TM2D1: variants seen among roughly 807,000 people sequenced by gnomAD.
The protein encoded by TM2D1 is TM2 domain-containing protein 1.
Under a neutral mutation model 28.4 loss-of-function variants are expected in TM2D1, and 15 were observed. The ratio of observed to expected loss-of-function variants is 0.53; its 90% CI spans 0.35 to 0.81. The LOEUF (loss-of-function observed/expected upper bound fraction) is 0.81. Among genes scored for constraint, TM2D1 ranks in the 40% least tolerant of loss-of-function variants. TM2D1 has a pLI of 0.01. For synonymous variants in TM2D1, 93 were observed against 96.2 expected (o/e 0.97, Z 0.20); for missense variants, 236 against 254.9 (o/e 0.93, Z 0.50).
intron 3 of TM2D1, among the ~76,000 whole-genome samples, chr1:61,707,913 T>C (rs1644452338): frequency 6.6e-6 from 1 of 152,192 alleles, no homozygotes; most frequent in Non-Finnish European, 1.5e-5. Context: ...AAATAGAATG[T>C]AACAATATAC....
At chr1:61,709,775 A>T (rs1352001578) in intron 2 of TM2D1, among the ~76,000 whole-genome samples, 1 of 152,140 alleles carries the variant, frequency 6.6e-6, no homozygotes. Flanking sequence ...AATTAAGAAT[A>T]CCTCTCAAAT....
At chr1:61,708,224 T>G (rs1463088110) in intron 3 of TM2D1, among the ~76,000 whole-genome samples, 1 of 152,016 alleles carries the variant, frequency 6.6e-6, no homozygotes, top group African/African-American at 2.4e-5. Context: ...ATTTTTGTAT[T>G]TTTTTGTAGA....
At chr1:61,710,715 TAAAAC>T (rs1224729372) in intron 2 of TM2D1, among the ~76,000 whole-genome samples, 1 of 151,890 alleles carries the variant, frequency 6.6e-6, no homozygotes, top group Non-Finnish European at 1.5e-5. Flanking sequence ...TTTTTTAAAA[TAAAAC>T]TGTGTATAAT....
At chr1:61,685,553 C>T (rs1368938089) in intron 5 of TM2D1, among the ~76,000 whole-genome samples, 1 of 152,192 alleles carries the variant, frequency 6.6e-6, no homozygotes, top group East Asian at 1.9e-4. Context: ...TATACACTAA[C>T]AGTGAATAAA....
intron 2 of TM2D1, among the ~76,000 whole-genome samples, chr1:61,721,202 G>T (rs79869099): frequency 6.6e-6 from 1 of 152,030 alleles, no homozygotes; most frequent in African/African-American, 2.4e-5. Context: ...CTGCAGTCTA[G>T]CCTGGGTGAC....
At chr1:61,700,233 A>G in intron 4 of TM2D1, 1 of 1,527,860 alleles carries the variant, frequency 6.5e-7, no homozygotes, top group Non-Finnish European at 8.8e-7. Flanking sequence ...AAGCCTCTAG[A>G]CTCAGTAAAT....
At chr1:61,720,611 C>T (rs1199308583) in intron 2 of TM2D1, among the ~76,000 whole-genome samples, 1 of 151,870 alleles carries the variant, frequency 6.6e-6, no homozygotes. Context: ...CAAGCAGATG[C>T]CTGCCACGTA....
chr1:61,723,471 G>A (rs957532895), intron 2 of TM2D1, among the ~76,000 whole-genome samples: 1 of 152,090 alleles, frequency 6.6e-6, no homozygotes, highest in Non-Finnish European at 1.5e-5. Flanking sequence ...GAACATCCAC[G>A]TCCAGCCCTA....
chr1:61,696,508 CAGCCGGGGCAACAA>C (rs550474348), intron 4 of TM2D1, among the ~76,000 whole-genome samples: 130 of 148,100 alleles, frequency 8.8e-4, no homozygotes, highest in African/African-American at 3.2e-3. Context: ...CACTGGACTC[CAGCCGGGGCAACAA>C]AGCCGGGGCA....
intron 5 of TM2D1, among the ~76,000 whole-genome samples, chr1:61,690,852 A>G (rs1644318778): frequency 6.6e-6 from 1 of 152,258 alleles, no homozygotes; most frequent in Admixed American, 6.5e-5. Context: ...CTCATGAAAC[A>G]TACTTTACCA....
chr1:61,698,107 T>G (rs1462383698), intron 4 of TM2D1: 2 of 152,226 alleles, frequency 1.3e-5, no homozygotes, highest in African/African-American at 4.8e-5. Context: ...TGTTACGCAC[T>G]GTACCTTAAT....
intron 4 of TM2D1, among the ~76,000 whole-genome samples, chr1:61,700,535 A>G (rs542141725): frequency 1.3e-5 from 2 of 152,342 alleles, no homozygotes; most frequent in Non-Finnish European, 2.9e-5. Flanking sequence ...AAAGAAGTGC[A>G]TAGTTTCTAA....
intron 4 of TM2D1, among the ~76,000 whole-genome samples, chr1:61,696,499 A>G (rs112651753): frequency 0.039 from 5,911 of 150,962 alleles, 340 homozygotes; most frequent in African/African-American, 0.13. Flanking sequence ...AGACTGTGCC[A>G]CTGGACTCCA....
intron 5 of TM2D1, among the ~76,000 whole-genome samples, chr1:61,691,932 A>AAAAAAAAT: frequency 5.2e-5 from 4 of 76,414 alleles, no homozygotes; most frequent in Non-Finnish European, 7.7e-5. Flanking sequence ...AAAAAAAAAA[A>AAAAAAAAT]ATATATATAT....
chr1:61,718,459 G>A (rs1203872152), intron 2 of TM2D1, among the ~76,000 whole-genome samples: 1 of 152,222 alleles, frequency 6.6e-6, no homozygotes, highest in Non-Finnish European at 1.5e-5. Context: ...TTTATGGAAT[G>A]AGGTGTTGAC....
intron 4 of TM2D1, among the ~76,000 whole-genome samples, chr1:61,695,228 CTTG>C (rs1557528746): frequency 3.9e-5 from 6 of 151,968 alleles, no homozygotes; most frequent in African/African-American, 1.4e-4. Flanking sequence ...AAACACTGCT[CTTG>C]TTGTAAAATT....
intron 2 of TM2D1, among the ~76,000 whole-genome samples, chr1:61,717,236 C>T (rs925776041): frequency 1.3e-5 from 2 of 151,240 alleles, no homozygotes; most frequent in South Asian, 2.1e-4. Context: ...GGCGTGGTGG[C>T]GGGCACCTCT....
chr1:61,700,908 A>AT (rs747012148), intron 4 of TM2D1, 26 bp downstream of exon 4: 2,471 of 1,465,424 alleles, frequency 1.7e-3, no homozygotes, highest in Middle Eastern at 2.0e-3. Flanking sequence ...TTTCATAAGG[A>AT]TTTTTTTTTA....
chr1:61,724,765 C>G (rs537153772), intron 1 of TM2D1, 192 bp downstream of exon 1: 159 of 537,658 alleles, frequency 3.0e-4, no homozygotes, highest in African/African-American at 2.6e-3. Flanking sequence ...ATAAGGAAAT[C>G]ACAAAGGGTG....
Sources: allele counts gnomAD v4.1 joint callset (sites outside exome capture counted in the v4.1 genomes callset), GRCh38; gene constraint gnomAD v4.1.1; transcripts MANE v1.5; gene names NCBI Gene and HGNC (gene_info 2026-07-23, HGNC 2026-07-21).